The following TSPAN18 variants were observed in gnomAD, a reference collection of about 807,000 sequenced individuals.
TSPAN18 encodes tetraspanin 18.
Under a neutral mutation model 27.3 loss-of-function variants are expected in TSPAN18, and 14 were observed. The ratio of observed to expected loss-of-function variants is 0.51; its 90% CI spans 0.34 to 0.80. The LOEUF (loss-of-function observed/expected upper bound fraction) is 0.80, where lower values mean the gene tolerates loss of function less well. TSPAN18 is among the 30% of genes least tolerant of loss of function. TSPAN18 has a pLI of 0.01. For missense variants in TSPAN18, 268 were observed against 323.9 expected (o/e 0.83, Z 1.32); for synonymous variants, 143 against 136.5 (o/e 1.05, Z -0.33).
At chr11:44,743,599 G>T (rs544726049) in intron 1 of TSPAN18, among the ~76,000 whole-genome samples, 15 of 152,312 alleles carry the variant, frequency 9.8e-5, no homozygotes, top group Admixed American at 9.1e-4. Flanking sequence ...CTCGTGGGAA[G>T]ATGTGTGCTC....
chr11:44,788,727 T>C (rs1366088029), intron 2 of TSPAN18, among the ~76,000 whole-genome samples: 1 of 152,096 alleles, frequency 6.6e-6, no homozygotes, highest in African/African-American at 2.4e-5. Context: ...GATTACAGAC[T>C]TGAGCCACCG....
intron 1 of TSPAN18, among the ~76,000 whole-genome samples, chr11:44,759,830 G>A (rs1290838904): frequency 6.6e-6 from 1 of 152,164 alleles, no homozygotes; most frequent in Non-Finnish European, 1.5e-5. Context: ...AAAATCACAT[G>A]AGCAAAAAAT....
At chr11:44,827,025 A>G (rs1272245946) in intron 2 of TSPAN18, among the ~76,000 whole-genome samples, 1 of 152,214 alleles carries the variant, frequency 6.6e-6, no homozygotes, top group Non-Finnish European at 1.5e-5. Flanking sequence ...TGGCCAAACC[A>G]AGAGCCTTTT....
intron 2 of TSPAN18, among the ~76,000 whole-genome samples, chr11:44,816,280 G>A (rs775876188): frequency 1.3e-5 from 2 of 152,244 alleles, no homozygotes; most frequent in African/African-American, 4.8e-5. Context: ...TGAGAACCAG[G>A]AGGCAGTTGC....
intron 3 of TSPAN18, among the ~76,000 whole-genome samples, chr11:44,888,158 C>T (rs544021851): frequency 2.0e-5 from 3 of 152,224 alleles, no homozygotes; most frequent in Non-Finnish European, 4.4e-5. Flanking sequence ...GCCAACTCCT[C>T]CTCTTCACCA....
At chr11:44,802,636 C>CAT (rs1209331053) in intron 2 of TSPAN18, among the ~76,000 whole-genome samples, 5 of 151,176 alleles carry the variant, frequency 3.3e-5, no homozygotes, top group African/African-American at 1.2e-4. Flanking sequence ...CACACACACA[C>CAT]AGCCTCTGGC....
chr11:44,852,419 T>C (rs977508826), intron 2 of TSPAN18, among the ~76,000 whole-genome samples: 1 of 152,192 alleles, frequency 6.6e-6, no homozygotes, highest in East Asian at 1.9e-4. Context: ...TGGTCAGAAG[T>C]AGAGACAGGA....
intron 2 of TSPAN18, among the ~76,000 whole-genome samples, chr11:44,772,995 C>T (rs1194726982): frequency 6.6e-6 from 1 of 152,212 alleles, no homozygotes; most frequent in African/African-American, 2.4e-5. Flanking sequence ...ACAGGTATCA[C>T]AGGATCCACA....
intron 2 of TSPAN18, among the ~76,000 whole-genome samples, chr11:44,816,417 C>T (rs1028918423): frequency 4.4e-4 from 67 of 152,318 alleles, no homozygotes; most frequent in African/African-American, 1.4e-3. Flanking sequence ...TCATCAGAAT[C>T]GAGTGCTATG....
chr11:44,816,423 C>T lies in TSPAN18; in HGVS notation c.-152-43905C>T, dbSNP rs1856819787. Reference sequence around the variant, plus strand: ...CCCTCTGGTTCATCAGAATCGAGTGCTATGTGTGCTCTGGCACAGATGAAC... The same window carrying T: ...CCCTCTGGTTCATCAGAATCGAGTGTTATGTGTGCTCTGGCACAGATGAAC... On this transcript the variant is annotated intron_variant, in intron 2 of 9. Coordinates refer to ENST00000520358, the MANE Select transcript of TSPAN18 (RefSeq NM_130783.5). Among the ~76,000 whole-genome samples, 3 of 152,350 alleles carry T rather than the reference C, an allele frequency of 2.0e-5. No homozygotes were observed. The South Asian group carries it at 6.2e-4, about 32-fold the overall frequency.
intron 2 of TSPAN18, among the ~76,000 whole-genome samples, chr11:44,811,169 CACACA>C (rs1565160290): frequency 4.7e-5 from 7 of 147,740 alleles, no homozygotes; most frequent in Admixed American, 2.7e-4. Flanking sequence ...CACACACACA[CACACA>C]CCCCTGCCTG....
intron 3 of TSPAN18, among the ~76,000 whole-genome samples, chr11:44,905,437 A>G (rs1356323234): frequency 2.0e-5 from 3 of 152,142 alleles, no homozygotes; most frequent in African/African-American, 4.8e-5. Context: ...GACATCGGAC[A>G]TGTCGTTTTC....
At chr11:44,910,269 A>T (rs562913598) in intron 5 of TSPAN18, among the ~76,000 whole-genome samples, 25 of 152,342 alleles carry the variant, frequency 1.6e-4, no homozygotes, top group Admixed American at 1.3e-3. Flanking sequence ...GCTTTCCTGC[A>T]GTCAATCCAG....
intron 2 of TSPAN18, among the ~76,000 whole-genome samples, chr11:44,841,483 T>G (rs1415552812): frequency 6.7e-6 from 1 of 149,746 alleles, no homozygotes. Context: ...ACCACTGCAC[T>G]CCAGCCTGGG....
chr11:44,897,739 C>A (rs2135301786), intron 3 of TSPAN18: 1 of 1,282,536 alleles, frequency 7.8e-7, no homozygotes, highest in South Asian at 1.2e-5. Flanking sequence ...AATATTTTCT[C>A]TTATTGGACA....
At position 44,919,866 on chromosome 11, in the gene TSPAN18, T is replaced by C; in HGVS notation, c.482T>C (p.Val161Ala). The part of the protein sequence containing the change: ...NGPEDFKFAS[V>A]FRLLTLDSEE... ...CCTGAAGACTTTAAGTTTGCATCTGTGTTTCGACTCCTGACCCTGGATAGT... is the reference window on the plus strand; with the variant it reads ...CCTGAAGACTTTAAGTTTGCATCTGCGTTTCGACTCCTGACCCTGGATAGT... The change falls in exon 8 of 10, where the codon GTG (valine) becomes GCG (alanine). Residue 161 changes from valine (V) to alanine (A), a missense_variant. Physicochemically the swap from Val to Ala is moderately conservative, Grantham distance 64. Transcript: ENST00000520358. The C allele has an allele frequency of 2.5e-6, 4 of 1,614,200 alleles. No homozygotes were observed. The highest frequency in any genetic ancestry group is 3.4e-6 in the Non-Finnish European group (4 of 1,180,028).
intron 2 of TSPAN18, among the ~76,000 whole-genome samples, chr11:44,856,828 T>TCCTC (rs896476346): frequency 6.6e-6 from 1 of 151,892 alleles, no homozygotes; most frequent in African/African-American, 2.4e-5. Context: ...CAACAGCTCT[T>TCCTC]CCTCCCTCCC....
At chr11:44,795,288 G>T (rs976858284) in intron 2 of TSPAN18, among the ~76,000 whole-genome samples, 1 of 152,250 alleles carries the variant, frequency 6.6e-6, no homozygotes, top group East Asian at 1.9e-4. Context: ...ATCATCCAAG[G>T]GCTGCTGCCT....
At chr11:44,833,212 T>C (rs1371180405) in intron 2 of TSPAN18, among the ~76,000 whole-genome samples, 1 of 152,130 alleles carries the variant, frequency 6.6e-6, no homozygotes, top group African/African-American at 2.4e-5. Context: ...TGGGTTCAAA[T>C]GCTAGCTTTC....
Sources: allele counts gnomAD v4.1 joint callset (sites outside exome capture counted in the v4.1 genomes callset), GRCh38; gene constraint gnomAD v4.1.1; transcripts MANE v1.5; gene names NCBI Gene and HGNC (gene_info 2026-07-23, HGNC 2026-07-21).